GUCY2C: variants seen among roughly 807,000 people sequenced by gnomAD.
The protein encoded by GUCY2C is guanylate cyclase 2C.
Under a neutral mutation model 131.1 loss-of-function variants are expected in GUCY2C, and 118 were observed. The observed-to-expected ratio is 0.90, with a 90% confidence interval of 0.78 to 1.05. The LOEUF (loss-of-function observed/expected upper bound fraction) is 1.05, where lower values mean the gene tolerates loss of function less well. Among genes scored for constraint, GUCY2C ranks in the 50% least tolerant of loss-of-function variants. The pLI is 0.00. For synonymous variants in GUCY2C, 452 were observed against 457.8 expected (o/e 0.99, Z 0.16); for missense variants, 1,161 against 1,304.4 (o/e 0.89, Z 1.69).
intron 21 of GUCY2C, among the ~76,000 whole-genome samples, chr12:14,623,746 C>G (rs1354092188): frequency 1.3e-5 from 2 of 152,076 alleles, no homozygotes; most frequent in Non-Finnish European, 2.9e-5. Flanking sequence ...TTAGTGAGTT[C>G]TCATGAGATC....
At chr12:14,695,326 T>C (rs1159382072) in intron 1 of GUCY2C, among the ~76,000 whole-genome samples, 2 of 152,052 alleles carry the variant, frequency 1.3e-5, no homozygotes. Flanking sequence ...AACTAAAAGG[T>C]ACAATGAAGA....
At position 14,652,007 on chromosome 12, in the gene GUCY2C, C is replaced by A. The variant is rs532477282; in HGVS notation, c.1557G>T (p.Lys519Asn). The A allele has an allele frequency of 6.2e-7, 1 of 1,602,822 alleles. No homozygotes were observed. The highest frequency in any genetic ancestry group is 2.2e-5 in the East Asian group (1 of 44,750). Residue 519 changes from lysine to asparagine, a missense_variant, in exon 14 of 27, where the codon AAG (lysine) becomes AAT (asparagine). By Grantham distance (94) the Lys-to-Asn change is moderately conservative (BLOSUM62 0). Coordinates refer to ENST00000261170, the MANE Select transcript of GUCY2C (RefSeq NM_004963.4). ...TTTCAGTGAAATTACCATCATTGTG[C>A]TTGAGATCTTTGAGAATCACTCGCT... ...DKKRVILKDL[K>N]HNDGNFTEKQ...
At chr12:14,624,584 C>T (rs1448588074) in intron 21 of GUCY2C, among the ~76,000 whole-genome samples, 3 of 152,160 alleles carry the variant, frequency 2.0e-5, no homozygotes. Context: ...AGTTTATTTG[C>T]CCTTTGCTAC....
At chr12:14,677,206 A>G (rs1240576850) in intron 6 of GUCY2C, among the ~76,000 whole-genome samples, 1 of 152,252 alleles carries the variant, frequency 6.6e-6, no homozygotes, top group Non-Finnish European at 1.5e-5. Context: ...GAAAATCAGA[A>G]TACAGATATT....
chr12:14,628,791 G>T (rs544896290), intron 19 of GUCY2C, 54 bp from the exon 20 acceptor site: 2 of 883,566 alleles, frequency 2.3e-6, no homozygotes, highest in Non-Finnish European at 3.9e-6. Context: ...ACTAAATCAA[G>T]AGAGAATTCT....
At chr12:14,689,053 A>G (rs1347677607) in intron 1 of GUCY2C, among the ~76,000 whole-genome samples, 2 of 152,212 alleles carry the variant, frequency 1.3e-5, no homozygotes, top group South Asian at 2.1e-4. Flanking sequence ...ATTATTTTTA[A>G]AGGATATCTC....
chr12:14,621,089 T>C lies in GUCY2C; in HGVS notation c.2729A>G (p.Glu910Gly), dbSNP rs1296842994. The change falls in exon 23 of 27, where the codon GAG (glutamate) becomes GGG (glycine). Residue 910 changes from glutamate (E) to glycine (G), a missense_variant. Coordinates refer to ENST00000261170, the MANE Select transcript of GUCY2C (RefSeq NM_004963.4). ...CCATATTGGGAGGCCAGGAAGATGC[T>C]CCAGCTCAAAGGTCCCCATGAAGCT... Reference protein sequence around the residue: ...ILSFMGTFELEHLPGLPIWIR... With the variant: ...ILSFMGTFELGHLPGLPIWIR... 4 of 1,613,810 alleles carry C rather than the reference T, an allele frequency of 2.5e-6. No homozygotes were observed. Among genetic ancestry groups the C allele is most frequent in the Non-Finnish European group, 2.5e-6 (3 of 1,179,906 alleles).
chr12:14,622,287 C>G, intron 21 of GUCY2C, 90 bp from the exon 22 acceptor site: 1 of 753,324 alleles, frequency 1.3e-6, no homozygotes, highest in Non-Finnish European at 2.0e-6. Context: ...TGATTGTCTA[C>G]CAAGAATTCT....
intron 2 of GUCY2C, among the ~76,000 whole-genome samples, chr12:14,687,245 A>G (rs1948489068): frequency 6.6e-6 from 1 of 152,186 alleles, no homozygotes; most frequent in Admixed American, 6.5e-5. Flanking sequence ...GGGCCTTGAA[A>G]TATGTTTTTA....
chr12:14,654,852 T>C (rs1947732038), intron 12 of GUCY2C, among the ~76,000 whole-genome samples: 1 of 152,182 alleles, frequency 6.6e-6, no homozygotes, highest in Admixed American at 6.5e-5. Context: ...CCTAGTGTTA[T>C]ATTAAATAAG....
chr12:14,654,746 C>CT (rs1206077543), intron 12 of GUCY2C, among the ~76,000 whole-genome samples: 3 of 152,256 alleles, frequency 2.0e-5, no homozygotes, highest in African/African-American at 7.2e-5. Flanking sequence ...GACACCAAGG[C>CT]TGGACTTGTG....
chr12:14,680,354 A>T (rs534430227), intron 5 of GUCY2C, among the ~76,000 whole-genome samples: 1 of 152,098 alleles, frequency 6.6e-6, no homozygotes, highest in South Asian at 2.1e-4. Context: ...GTTGGGGGAG[A>T]CTTCATTAGA....
intron 25 of GUCY2C, among the ~76,000 whole-genome samples, chr12:14,615,840 C>A (rs369578276): frequency 1.3e-5 from 2 of 152,100 alleles, no homozygotes; most frequent in African/African-American, 4.8e-5. Context: ...AAGGTGCAAT[C>A]CAAATGTAAA....
At chr12:14,646,746 C>A (rs572478818) in intron 15 of GUCY2C, among the ~76,000 whole-genome samples, 12 of 152,028 alleles carry the variant, frequency 7.9e-5, no homozygotes, top group African/African-American at 2.7e-4. Flanking sequence ...TTTTTCTGAG[C>A]AATTTTAATA....
In GUCY2C at chr12:14,621,938, C is replaced by T; in HGVS notation, c.2601+67G>A. ...GGTCAAGAGTAGTAACAGAAACAAC[C>T]AATTCAGGCTCTGATGACCTTGAGT... is the stretch of plus-strand genomic sequence containing the variant. On this transcript the variant is annotated intron_variant, in intron 22 of 26. Transcript: ENST00000261170. 3 of 1,109,508 alleles carry T rather than the reference C, an allele frequency of 2.7e-6. No individual in the cohort carries two copies. In the South Asian group the frequency reaches 4.6e-5, roughly 17 times the overall value. 68.7% of individuals were successfully genotyped at this position (1,109,508 alleles called of 1,614,324 possible). A position where few individuals can be genotyped will look rare whatever the true frequency, so the allele number is the denominator to read the frequency against.
At chr12:14,630,732 G>C (rs1467693017) in intron 19 of GUCY2C, among the ~76,000 whole-genome samples, 1 of 152,126 alleles carries the variant, frequency 6.6e-6, no homozygotes, top group Non-Finnish European at 1.5e-5. Flanking sequence ...CGACTCTACT[G>C]GGTGTTTCTG....
At chr12:14,623,526 C>T (rs1946938413) in intron 21 of GUCY2C, among the ~76,000 whole-genome samples, 1 of 152,198 alleles carries the variant, frequency 6.6e-6, no homozygotes, top group Admixed American at 6.5e-5. Flanking sequence ...TTGGAGGCTG[C>T]ATAGATGCAA....
intron 23 of GUCY2C, among the ~76,000 whole-genome samples, chr12:14,620,352 C>G (rs189268241): frequency 6.6e-6 from 1 of 152,308 alleles, no homozygotes; most frequent in East Asian, 1.9e-4. Context: ...GAGGTTTGAC[C>G]AATCAAGTTG....
chr12:14,641,981 T>A (rs1218533694), intron 17 of GUCY2C, among the ~76,000 whole-genome samples: 1 of 152,032 alleles, frequency 6.6e-6, no homozygotes, highest in Non-Finnish European at 1.5e-5. Flanking sequence ...TTATTTTATT[T>A]AAATTATTAT....
Sources: allele counts gnomAD v4.1 joint callset (sites outside exome capture counted in the v4.1 genomes callset), GRCh38; gene constraint gnomAD v4.1.1; transcripts MANE v1.5; gene names NCBI Gene and HGNC (gene_info 2026-07-23, HGNC 2026-07-21).